The following LMX1A variants were observed in gnomAD, a reference collection of about 807,000 sequenced individuals.
The protein encoded by LMX1A is LIM homeobox transcription factor 1 alpha, also known as LIM homeobox transcription factor 1-alpha.
A neutral mutation model predicts 49.1 loss-of-function variants in LMX1A; 15 were observed. The observed-to-expected ratio is 0.31, with a 90% CI of 0.20 to 0.47. The LOEUF is 0.47. Among genes scored for constraint, LMX1A ranks in the 20% least tolerant of loss-of-function variants. The pLI is 1.00. For missense variants in LMX1A, 372 were observed against 475.8 expected (o/e 0.78, Z 2.03); for synonymous variants, 167 against 185.7 (o/e 0.90, Z 0.82).
intron 3 of LMX1A, among the ~76,000 whole-genome samples, chr1:165,333,013 C>T (rs895428168): frequency 7.2e-5 from 11 of 152,188 alleles, no homozygotes; most frequent in African/African-American, 2.2e-4. Context: ...AGAAACCATG[C>T]GGCATTGGGA....
At chr1:165,249,163 A>G (rs1652962164) in intron 4 of LMX1A, among the ~76,000 whole-genome samples, 1 of 152,072 alleles carries the variant, frequency 6.6e-6, no homozygotes, top group Non-Finnish European at 1.5e-5. Context: ...TGTGTGTGTG[A>G]AGTGTTTATG....
intron 3 of LMX1A, among the ~76,000 whole-genome samples, chr1:165,343,188 T>C (rs1454401230): frequency 6.6e-6 from 1 of 152,166 alleles, no homozygotes; most frequent in Non-Finnish European, 1.5e-5. Context: ...ACCTTTGAGT[T>C]TGGTACTATC....
At chr1:165,304,427 C>G (rs1316802022) in intron 3 of LMX1A, among the ~76,000 whole-genome samples, 1 of 152,156 alleles carries the variant, frequency 6.6e-6, no homozygotes, top group Non-Finnish European at 1.5e-5. Flanking sequence ...GACTATGTCA[C>G]CCAAGATATG....
intron 3 of LMX1A, among the ~76,000 whole-genome samples, chr1:165,308,511 C>T (rs556588737): frequency 3.3e-5 from 5 of 152,318 alleles, no homozygotes; most frequent in African/African-American, 1.2e-4. Flanking sequence ...ATAGGAAAGA[C>T]ATTGAATCTC....
intron 5 of LMX1A, among the ~76,000 whole-genome samples, chr1:165,212,088 G>A (rs1020139218): frequency 1.3e-5 from 2 of 152,226 alleles, no homozygotes; most frequent in African/African-American, 4.8e-5. Flanking sequence ...CTCTCTTGGA[G>A]CATAAGGAGC....
intron 3 of LMX1A, among the ~76,000 whole-genome samples, chr1:165,323,255 A>C (rs1367042317): frequency 6.6e-6 from 1 of 152,196 alleles, no homozygotes; most frequent in Non-Finnish European, 1.5e-5. Flanking sequence ...CAGGTCAGTT[A>C]ACCATACAAA....
intron 3 of LMX1A, among the ~76,000 whole-genome samples, chr1:165,270,020 A>G (rs7530861): frequency 6.6e-6 from 1 of 151,878 alleles, no homozygotes; most frequent in East Asian, 1.9e-4. Flanking sequence ...CAAACCTGCA[A>G]ATCCTGCACA....
chr1:165,263,127 C>T (rs1281039732), intron 3 of LMX1A, among the ~76,000 whole-genome samples: 2 of 152,198 alleles, frequency 1.3e-5, no homozygotes, highest in Non-Finnish European at 2.9e-5. Context: ...TTTATCTATG[C>T]TCGCTCCCCT....
At chr1:165,321,273 G>C (rs1481245103) in intron 3 of LMX1A, among the ~76,000 whole-genome samples, 3 of 152,150 alleles carry the variant, frequency 2.0e-5, no homozygotes, top group African/African-American at 7.2e-5. Flanking sequence ...AATGGATACA[G>C]AGTTTCTTTG....
At chr1:165,291,931 G>A (rs941779418) in intron 3 of LMX1A, among the ~76,000 whole-genome samples, 4 of 151,944 alleles carry the variant, frequency 2.6e-5, no homozygotes, top group Non-Finnish European at 4.4e-5. Flanking sequence ...GCATGGTGGC[G>A]CGCGCTTGTA....
intron 3 of LMX1A, among the ~76,000 whole-genome samples, chr1:165,323,551 T>C (rs892301963): frequency 6.6e-6 from 1 of 152,200 alleles, no homozygotes; most frequent in African/African-American, 2.4e-5. Flanking sequence ...CATAACAATA[T>C]AAAATGCGTA....
intron 3 of LMX1A, among the ~76,000 whole-genome samples, chr1:165,328,574 GC>G (rs1466929198): frequency 1.3e-5 from 2 of 152,188 alleles, no homozygotes; most frequent in Admixed American, 1.3e-4. Context: ...CTGGCATCCT[GC>G]TGGAGGCACA....
rs759922382 is a variant in LMX1A, at chr1:165,355,582, C to T, written c.-22-1G>A. On this transcript the variant is annotated splice_acceptor_variant, in intron 1 of 8. Transcript: ENST00000342310. LOFTEE classifies it low-confidence loss of function (5UTR_SPLICE). The surrounding 1 kb of genome is among the most constrained non-coding windows in gnomAD (Gnocchi z 4.7). ...CATGTTCGGGCCGGGCCGGGAGGAC[C>T]TGTAGAGGAGAAGAAACGATGCGTC... 6 of 1,610,982 alleles carry T rather than the reference C, an allele frequency of 3.7e-6. No individual in the cohort carries two copies. The highest frequency in any genetic ancestry group is 4.2e-6 in the Non-Finnish European group (5 of 1,178,356).
chr1:165,214,981 G>T (rs1361264946), intron 4 of LMX1A, among the ~76,000 whole-genome samples: 2 of 152,152 alleles, frequency 1.3e-5, no homozygotes, highest in African/African-American at 4.8e-5. Context: ...AGGGTCTGGG[G>T]CATACCTGTG....
At chr1:165,282,199 T>A (rs537733174) in intron 3 of LMX1A, among the ~76,000 whole-genome samples, 25 of 152,272 alleles carry the variant, frequency 1.6e-4, no homozygotes, top group African/African-American at 5.3e-4. Context: ...ATCCCAAATC[T>A]CTATCACTAG....
At position 165,264,172 on chromosome 1, in the gene LMX1A, A is replaced by C. The variant is rs531711310; in HGVS notation, c.264-14532T>G. 1.9e-4 allele frequency among the ~76,000 whole-genome samples: 29 copies of C among 152,154 alleles called. 1 individual carries two copies. The South Asian group carries it at 6.0e-3, about 32-fold the overall frequency. On this transcript the variant is annotated intron_variant, in intron 3 of 8. Coordinates refer to ENST00000342310, the MANE Select transcript of LMX1A (RefSeq NM_177398.4). ...TAAAAAAAAACAGGAGGAATGGTGG[A>C]AGCCTGCACACAGCCCCCACCAGCA... is the stretch of plus-strand genomic sequence containing the variant.
intron 3 of LMX1A, among the ~76,000 whole-genome samples, chr1:165,337,907 T>TGTGTGTGTGTGTGTGTGTGTGTGTGTGTG (rs1553213782): frequency 4.6e-5 from 7 of 151,622 alleles, no homozygotes; most frequent in African/African-American, 1.7e-4. Flanking sequence ...TGTGTGTGTG[T>TGTGTGTGTGTGTGTGTGTGTGTGTGTGTG]TACTACCCCA....
chr1:165,319,314 G>C (rs1655314578), intron 3 of LMX1A, among the ~76,000 whole-genome samples: 1 of 151,882 alleles, frequency 6.6e-6, no homozygotes, highest in Non-Finnish European at 1.5e-5. Flanking sequence ...AGAGAATAAA[G>C]GAAAGGCTTA....
intron 4 of LMX1A, among the ~76,000 whole-genome samples, chr1:165,221,927 AC>A (rs1651862986): frequency 7.2e-6 from 1 of 139,606 alleles, no homozygotes; most frequent in Non-Finnish European, 1.6e-5. Context: ...ACACACACAC[AC>A]ACACACACAC....
Sources: allele counts gnomAD v4.1 joint callset (sites outside exome capture counted in the v4.1 genomes callset), GRCh38; gene constraint gnomAD v4.1.1; non-coding constraint Gnocchi (gnomAD v3.1); transcripts MANE v1.5; gene names NCBI Gene and HGNC (gene_info 2026-07-23, HGNC 2026-07-21).